The following ZFHX3 variants were observed in gnomAD, a reference collection of about 807,000 sequenced individuals.
ZFHX3 encodes zinc finger homeobox 3, also known as zinc finger homeobox protein 3.
In ZFHX3, 42 loss-of-function variants were observed where a neutral mutation model predicts 279.1. The ratio of observed to expected loss-of-function variants is 0.15; its 90% CI spans 0.12 to 0.19. The LOEUF is 0.19. Among genes scored for constraint, ZFHX3 ranks in the 10% least tolerant of loss-of-function variants. The probability of loss-of-function intolerance (pLI) is 1.00; values close to 1 mark genes in which losing one functional copy is unlikely to be tolerated. For synonymous variants in ZFHX3, 2,293 were observed against 1,957.8 expected, an observed-to-expected ratio of 1.17 and a Z score of -4.52; for missense variants, 4,981 against 4,754.0, an observed-to-expected ratio of 1.05 and a Z score of -1.40.
Position 72,950,562 on chromosome 16 carries a change from C to T in ZFHX3, c.3123G>A (p.Lys1041=), listed in dbSNP as rs770869095. The T allele has an allele frequency of 1.2e-6, 2 of 1,614,230 alleles. No homozygotes were observed. The highest frequency in any genetic ancestry group is 1.6e-4 in the Middle Eastern group (1 of 6,062). ...CVAIGNPVHL[K]CNACDYYTNS... ...TGGTGTAGTAGTCACAGGCGTTGCA[C>T]TTGAGGTGCACGGGGTTGCCGATGG... Residue 1041 remains lysine, a synonymous_variant, in exon 3 of 10, where the codon AAG becomes AAA. Coordinates refer to ENST00000268489, the MANE Select transcript of ZFHX3 (RefSeq NM_006885.4).
At chr16:73,544,256 T>A (rs1156454436) in intron 2 of ZFHX3, among the ~76,000 whole-genome samples, 1 of 152,176 alleles carries the variant, frequency 6.6e-6, no homozygotes, top group Non-Finnish European at 1.5e-5. Context: ...TCGCCACAAA[T>A]GCATGTGTCG....
rs548185137 is a variant in ZFHX3, at chr16:73,783,159, G to C, written c.-1607-102919C>G. Among the ~76,000 whole-genome samples the C allele has an allele frequency of 3.9e-5, 6 of 152,094 alleles. No individual in the cohort carries two copies. The East Asian group carries it at 1.2e-3, about 29-fold the overall frequency. ...CTTTGATGGCTCAGAGCTGAGTACC[G>C]GGCCAAGATGAGCCACCCCAGGCAC... is the stretch of plus-strand genomic sequence containing the variant. On this transcript the variant is annotated intron_variant, in intron 1 of 17. Transcript: ENST00000641206.
intron 5 of ZFHX3, among the ~76,000 whole-genome samples, chr16:73,211,926 T>A (rs906234828): frequency 2.0e-5 from 3 of 151,990 alleles, no homozygotes; most frequent in Non-Finnish European, 4.4e-5. Flanking sequence ...TTTTTATATA[T>A]TGAGGATAGG....
intron 3 of ZFHX3, among the ~76,000 whole-genome samples, chr16:73,357,626 A>T (rs1275464798): frequency 6.6e-6 from 1 of 152,206 alleles, no homozygotes; most frequent in Admixed American, 6.5e-5. Flanking sequence ...AGGTTCTAAA[A>T]GGAGCCTAAA....
chr16:73,651,122 T>C (rs536319993), intron 2 of ZFHX3, among the ~76,000 whole-genome samples: 2 of 151,006 alleles, frequency 1.3e-5, no homozygotes, highest in East Asian at 1.9e-4. Context: ...ACAAAAAATA[T>C]AGAAATTGAA....
chr16:72,858,728 C>G (rs2037812834), intron 4 of ZFHX3, among the ~76,000 whole-genome samples: 1 of 152,200 alleles, frequency 6.6e-6, no homozygotes, highest in South Asian at 2.1e-4. Context: ...TAGTCGTTTT[C>G]AATTTGTGCA....
intron 1 of ZFHX3, among the ~76,000 whole-genome samples, chr16:73,780,436 C>T (rs529105688): frequency 9.9e-5 from 15 of 151,200 alleles, no homozygotes; most frequent in African/African-American, 3.6e-4. Flanking sequence ...GCATGAGCCA[C>T]CGTGCCTGAA....
chr16:73,555,706 C>A (rs903614827), intron 2 of ZFHX3, among the ~76,000 whole-genome samples: 1 of 151,800 alleles, frequency 6.6e-6, no homozygotes, highest in Non-Finnish European at 1.5e-5. Context: ...GTGGCGGGCA[C>A]CTGTAATCCC....
chr16:73,306,208 G>A (rs1413144781), intron 4 of ZFHX3, among the ~76,000 whole-genome samples: 3 of 152,146 alleles, frequency 2.0e-5, no homozygotes, highest in Non-Finnish European at 4.4e-5. Flanking sequence ...GTCTGTTTCT[G>A]TTCTCAAATA....
intron 8 of ZFHX3, among the ~76,000 whole-genome samples, chr16:73,087,134 A>G (rs1279957880): frequency 2.0e-5 from 3 of 152,204 alleles, no homozygotes; most frequent in African/African-American, 7.2e-5. Flanking sequence ...ACTTTTAAAA[A>G]TTTAATTAAA....
At chr16:73,290,883 A>T (rs1488234076) in intron 4 of ZFHX3, among the ~76,000 whole-genome samples, 1 of 152,226 alleles carries the variant, frequency 6.6e-6, no homozygotes, top group Admixed American at 6.5e-5. Flanking sequence ...GAGCAAAGCC[A>T]TGAGGATCTT....
chr16:73,689,821 T>TTTG (rs2053129226), intron 1 of ZFHX3, among the ~76,000 whole-genome samples: 22 of 151,166 alleles, frequency 1.5e-4, no homozygotes, highest in African/African-American at 3.9e-4. Flanking sequence ...TTTTTTGTTT[T>TTTG]TTTTGTTGTT....
At chr16:73,683,928 C>A (rs1034656201) in intron 1 of ZFHX3, among the ~76,000 whole-genome samples, 5 of 152,240 alleles carry the variant, frequency 3.3e-5, no homozygotes, top group African/African-American at 1.2e-4. Context: ...GCCACATATA[C>A]AGTCTGTGCC....
intron 2 of ZFHX3, among the ~76,000 whole-genome samples, chr16:73,548,359 C>G (rs1351181052): frequency 6.6e-6 from 1 of 152,128 alleles, no homozygotes; most frequent in Non-Finnish European, 1.5e-5. Context: ...TTAGTTCTTG[C>G]AACAGCTTTT....
intron 3 of ZFHX3, among the ~76,000 whole-genome samples, chr16:72,893,922 G>A (rs1365439601): frequency 1.3e-5 from 2 of 152,092 alleles, no homozygotes; most frequent in Non-Finnish European, 2.9e-5. Flanking sequence ...GGCTGAGGTG[G>A]GCACATCACC....
At chr16:73,316,722 C>A (rs575160571) in intron 4 of ZFHX3, among the ~76,000 whole-genome samples, 201 of 152,284 alleles carry the variant, frequency 1.3e-3, no homozygotes, top group African/African-American at 4.7e-3. Flanking sequence ...CACCTCCCTA[C>A]CTATACTTCC....
At chr16:73,877,906 T>C (rs1202111058) in intron 1 of ZFHX3, among the ~76,000 whole-genome samples, 2 of 151,860 alleles carry the variant, frequency 1.3e-5, no homozygotes, top group East Asian at 1.9e-4. Flanking sequence ...AAAAAGAAAA[T>C]CCATTTTGAT....
intron 2 of ZFHX3, among the ~76,000 whole-genome samples, chr16:73,478,338 C>T (rs1159587014): frequency 2.0e-5 from 3 of 151,918 alleles, no homozygotes; most frequent in Admixed American, 6.5e-5. Flanking sequence ...GGACTTGAAC[C>T]CTGGACCCTC....
At chr16:73,086,888 A>G (rs570765760) in intron 8 of ZFHX3, among the ~76,000 whole-genome samples, 2 of 152,286 alleles carry the variant, frequency 1.3e-5, no homozygotes, top group South Asian at 2.1e-4. Context: ...GGGTCAAAGA[A>G]CAAGACCCTG....
Sources: allele counts gnomAD v4.1 joint callset (sites outside exome capture counted in the v4.1 genomes callset), GRCh38; gene constraint gnomAD v4.1.1; transcripts MANE v1.5; gene names NCBI Gene and HGNC (gene_info 2026-07-23, HGNC 2026-07-21).